Variants in GRID1 observed in about 807,000 individuals in gnomAD.
GRID1 encodes glutamate ionotropic receptor delta type subunit 1, also known as glutamate receptor ionotropic, delta-1.
A neutral mutation model predicts 98.0 loss-of-function variants in GRID1; 28 were observed. The observed-to-expected ratio is 0.29, with a 90% CI of 0.21 to 0.39. The LOEUF (loss-of-function observed/expected upper bound fraction) is 0.39. Ranked by LOEUF, GRID1 falls within the 10% of genes least tolerant of loss-of-function variation. The pLI is 1.00. For missense variants in GRID1, 1,111 were observed against 1,340.5 expected, an observed-to-expected ratio of 0.83 and a Z score of 2.67; for synonymous variants, 553 against 538.5, an observed-to-expected ratio of 1.03 and a Z score of -0.37.
chr10:86,291,300 A>C (rs1253028898), intron 2 of GRID1, among the ~76,000 whole-genome samples: 1 of 152,088 alleles, frequency 6.6e-6, no homozygotes, highest in East Asian at 1.9e-4. Context: ...CTCCATCCCC[A>C]CTGACTCCTC....
intron 4 of GRID1, among the ~76,000 whole-genome samples, chr10:85,984,462 G>C (rs1842585153): frequency 6.6e-6 from 1 of 152,148 alleles, no homozygotes; most frequent in South Asian, 2.1e-4. Flanking sequence ...GAGAGGTCTG[G>C]GCGGGAGAGC....
intron 2 of GRID1, among the ~76,000 whole-genome samples, chr10:86,341,510 C>T (rs191852297): frequency 2.2e-4 from 33 of 152,204 alleles, no homozygotes; most frequent in African/African-American, 7.5e-4. Context: ...CATCCTCCCC[C>T]ACAGGGCTCC....
At chr10:86,118,998 A>G (rs528835479) in intron 4 of GRID1, among the ~76,000 whole-genome samples, 1 of 152,160 alleles carries the variant, frequency 6.6e-6, no homozygotes, top group Non-Finnish European at 1.5e-5. Flanking sequence ...CCTGGATAGG[A>G]TCCTAAGACA....
intron 3 of GRID1, 150 bp from the exon 4 acceptor site, chr10:86,139,174 G>A: frequency 1.6e-6 from 1 of 635,056 alleles, no homozygotes; most frequent in Non-Finnish European, 2.8e-6. Flanking sequence ...GTAAACAGAG[G>A]TTGGAGGACG....
chr10:85,612,044 T>C (rs758818455), intron 15 of GRID1, among the ~76,000 whole-genome samples: 1 of 152,160 alleles, frequency 6.6e-6, no homozygotes, highest in Non-Finnish European at 1.5e-5. Flanking sequence ...AAGACAGATA[T>C]CCCCGAACAT....
At chr10:85,876,811 C>T (rs1843337272) in intron 5 of GRID1, among the ~76,000 whole-genome samples, 1 of 152,212 alleles carries the variant, frequency 6.6e-6, no homozygotes, top group Non-Finnish European at 1.5e-5. Flanking sequence ...GAGGCATTGC[C>T]TCACTCGGAA....
intron 3 of GRID1, among the ~76,000 whole-genome samples, chr10:86,186,107 C>T (rs937996368): frequency 6.6e-6 from 1 of 152,108 alleles, no homozygotes; most frequent in African/African-American, 2.4e-5. Flanking sequence ...AGTATATGAC[C>T]ATTCAGGCTT....
chr10:86,115,289 GGCACCACT>G (rs940403685), intron 4 of GRID1, among the ~76,000 whole-genome samples: 12 of 152,104 alleles, frequency 7.9e-5, no homozygotes, highest in East Asian at 1.9e-4. Flanking sequence ...TAGACATTGA[GGCACCACT>G]GCTGCATGAG....
intron 4 of GRID1, among the ~76,000 whole-genome samples, chr10:86,108,815 G>A (rs1256984552): frequency 6.6e-6 from 1 of 152,166 alleles, no homozygotes; most frequent in Non-Finnish European, 1.5e-5. Flanking sequence ...GCACCTAAGG[G>A]CACACCAATG....
At chr10:86,230,618 CAT>C (rs1846436273) in intron 2 of GRID1, among the ~76,000 whole-genome samples, 2 of 152,244 alleles carry the variant, frequency 1.3e-5, no homozygotes, top group South Asian at 2.1e-4. Context: ...TCCCTGAACA[CAT>C]GTCACCTTTC....
chr10:85,958,967 A>T (rs1842229640), intron 4 of GRID1, among the ~76,000 whole-genome samples: 1 of 151,694 alleles, frequency 6.6e-6, no homozygotes, highest in South Asian at 2.1e-4. Context: ...CAAAAAAAAA[A>T]AAAAAGAAAG....
chr10:85,924,435 C>T (rs1202285451), intron 4 of GRID1, among the ~76,000 whole-genome samples: 1 of 152,172 alleles, frequency 6.6e-6, no homozygotes, highest in East Asian at 1.9e-4. Context: ...ATGCAAGATG[C>T]CCTGACCTTT....
At chr10:85,765,246 T>C (rs1001591951) in intron 8 of GRID1, among the ~76,000 whole-genome samples, 3 of 152,154 alleles carry the variant, frequency 2.0e-5, no homozygotes, top group African/African-American at 7.2e-5. Context: ...CATGTGTAAG[T>C]GATCATGATT....
intron 2 of GRID1, among the ~76,000 whole-genome samples, chr10:86,266,593 A>G (rs1847106772): frequency 6.6e-6 from 1 of 152,220 alleles, no homozygotes; most frequent in African/African-American, 2.4e-5. Context: ...ATCCCAGGTC[A>G]GTGATGAGTG....
chr10:85,834,968 A>G (rs1439138107), intron 8 of GRID1, among the ~76,000 whole-genome samples: 5 of 152,220 alleles, frequency 3.3e-5, no homozygotes, highest in African/African-American at 1.2e-4. Context: ...TTCAAAGGCA[A>G]TAACATGGTG....
intron 8 of GRID1, among the ~76,000 whole-genome samples, chr10:85,831,947 G>C (rs756918022): frequency 6.6e-6 from 1 of 151,612 alleles, no homozygotes; most frequent in Non-Finnish European, 1.5e-5. Context: ...AAATAAATAA[G>C]AACAAAGATT....
At chr10:85,829,422 T>A (rs1346811229) in intron 8 of GRID1, among the ~76,000 whole-genome samples, 1 of 152,120 alleles carries the variant, frequency 6.6e-6, no homozygotes, top group Non-Finnish European at 1.5e-5. Flanking sequence ...ATGACTCCTA[T>A]TCAACACAGT....
intron 12 of GRID1, among the ~76,000 whole-genome samples, chr10:85,684,469 A>C (rs1437866764): frequency 6.6e-6 from 1 of 152,216 alleles, no homozygotes; most frequent in African/African-American, 2.4e-5. Flanking sequence ...ATATTCATAT[A>C]TTAAAGTAGA....
intron 4 of GRID1, among the ~76,000 whole-genome samples, chr10:86,115,350 GATGAATGA>G (rs374476686): frequency 2.1e-3 from 319 of 152,060 alleles, no homozygotes; most frequent in African/African-American, 7.1e-3. Flanking sequence ...TGAAACAATA[GATGAATGA>G]ATGAATGAAT....
Sources: gnomAD v4.1 joint callset for allele counts (sites outside exome capture counted in the v4.1 genomes callset) on GRCh38, gnomAD v4.1.1 for gene constraint, MANE v1.5 for transcripts, NCBI Gene and HGNC (gene_info 2026-07-23, HGNC 2026-07-21) for gene names.